RYR2: variants seen among roughly 807,000 people sequenced by gnomAD.
The protein encoded by RYR2 is cardiac muscle ryanodine receptor-calcium release channel.
A neutral mutation model predicts 601.1 loss-of-function variants in RYR2; 227 were observed. That is an observed-to-expected ratio of 0.38 (90% confidence interval 0.34 to 0.42). The LOEUF (loss-of-function observed/expected upper bound fraction) is 0.42. RYR2 is among the 10% of genes least tolerant of loss of function. RYR2 has a pLI of 1.00. For missense variants in RYR2, 4,646 were observed against 6,156.5 expected (o/e 0.75, Z 8.21); for synonymous variants, 2,223 against 2,175.1 (o/e 1.02, Z -0.61).
rs182995024 is a variant in RYR2 at position 237,253,723 on chromosome 1, G to A, written c.49-16774G>A. 3.3e-5 allele frequency among the ~76,000 whole-genome samples: 5 copies of A among 152,264 alleles called. No homozygotes were observed. In the East Asian group the frequency reaches 9.7e-4, roughly 29 times the overall value. Reference sequence around the variant, plus strand: ...GTTTATTGCTCAGGTATAGTTTGCTGGTTCATCCGTTCATTTTCAGGCTGG... The same window carrying A: ...GTTTATTGCTCAGGTATAGTTTGCTAGTTCATCCGTTCATTTTCAGGCTGG... On this transcript the variant is annotated intron_variant, in intron 1 of 104. Coordinates refer to ENST00000366574, the MANE Select transcript of RYR2 (RefSeq NM_001035.3).
chr1:237,307,490 CAAT>C (rs1308970777), intron 2 of RYR2, among the ~76,000 whole-genome samples: 1 of 152,152 alleles, frequency 6.6e-6, no homozygotes, highest in Non-Finnish European at 1.5e-5. Flanking sequence ...AGAATTTTTA[CAAT>C]AATTCTGTAA....
At chr1:237,592,543 G>T (rs1675322904) in intron 32 of RYR2, among the ~76,000 whole-genome samples, 1 of 151,674 alleles carries the variant, frequency 6.6e-6, no homozygotes, top group Admixed American at 6.6e-5. Context: ...TGAGGCAGGA[G>T]AATTGCTTGA....
chr1:237,122,681 A>AAAACAAACAAACAAACAAAC (rs147076319), intron 1 of RYR2, among the ~76,000 whole-genome samples: 1 of 150,600 alleles, frequency 6.6e-6, no homozygotes, highest in East Asian at 2.0e-4. Context: ...GACCGTCTCA[A>AAAACAAACAAACAAACAAAC]AAACAAACAA....
intron 3 of RYR2, among the ~76,000 whole-genome samples, chr1:237,353,253 T>C: frequency 6.6e-6 from 1 of 152,072 alleles, no homozygotes; most frequent in East Asian, 1.9e-4. Context: ...GCCCTAAATT[T>C]GTAATTAAAA....
intron 84 of RYR2, among the ~76,000 whole-genome samples, chr1:237,761,289 T>C (rs879898252): frequency 1.3e-5 from 2 of 152,180 alleles, no homozygotes; most frequent in Admixed American, 1.3e-4. Context: ...GAATAATGGT[T>C]GAATGAAGGA....
At chr1:237,338,273 G>C (rs1460300632) in intron 3 of RYR2, among the ~76,000 whole-genome samples, 1 of 152,102 alleles carries the variant, frequency 6.6e-6, no homozygotes, top group South Asian at 2.1e-4. Flanking sequence ...CTTGCAAACC[G>C]ATCAATAGGA....
intron 1 of RYR2, among the ~76,000 whole-genome samples, chr1:237,185,462 CT>C (rs1679243428): frequency 6.6e-6 from 1 of 152,148 alleles, no homozygotes; most frequent in African/African-American, 2.4e-5. Context: ...CCTGCACGTG[CT>C]ACTTTGCCTC....
chr1:237,809,110 T>C, intron 100 of RYR2, 75 bp downstream of exon 100: 1 of 1,311,366 alleles, frequency 7.6e-7, no homozygotes, highest in South Asian at 1.2e-5. Context: ...TGTGTATTTA[T>C]TCTCTAACAG....
chr1:237,709,016 C>T lies in RYR2; in HGVS notation c.10060C>T (p.Leu3354Phe). 1 of 1,612,806 alleles carries T rather than the reference C, an allele frequency of 6.2e-7. No individual in the cohort carries two copies. Among genetic ancestry groups the T allele is most frequent in the Middle Eastern group, 1.7e-4 (1 of 6,056 alleles). ...ARGDMSEAEL[L>F]ILDEFTTLAR... ...GGGGGACATGTCGGAGGCAGAACTC[C>T]TCATCCTAGATGAGTTCACCACACT... Residue 3354 changes from leucine (L) to phenylalanine (F), a missense_variant, in exon 69 of 105, where the codon CTC becomes TTC. Around this residue, in one of 17 missense-constraint regions of RYR2, gnomAD observed 1,497 missense variants for 1,842.6 expected, o/e 0.81. Coordinates refer to ENST00000366574, the MANE Select transcript of RYR2 (RefSeq NM_001035.3).
At chr1:237,728,988 AT>A (rs36095900) in intron 76 of RYR2, among the ~76,000 whole-genome samples, 72,079 of 151,852 alleles carry the variant, frequency 0.47, 18,774 homozygotes, top group Non-Finnish European at 0.59. Flanking sequence ...AATTCACATT[AT>A]CATTTCTTTT....
At chr1:237,314,063 C>CTTTTTTT (rs397983391) in intron 2 of RYR2, among the ~76,000 whole-genome samples, 5 of 82,348 alleles carry the variant, frequency 6.1e-5, no homozygotes, top group Non-Finnish European at 8.4e-5. Context: ...ACATGAATTT[C>CTTTTTTT]TTTTTTTTTT....
intron 25 of RYR2, among the ~76,000 whole-genome samples, chr1:237,538,924 G>GA (rs1668962111): frequency 6.6e-6 from 1 of 152,140 alleles, no homozygotes; most frequent in Non-Finnish European, 1.5e-5. Flanking sequence ...CCTTGTCCTG[G>GA]TGTCTTGAAT....
At chr1:237,384,392 G>C (rs1054295026) in intron 8 of RYR2, among the ~76,000 whole-genome samples, 1 of 152,184 alleles carries the variant, frequency 6.6e-6, no homozygotes, top group Non-Finnish European at 1.5e-5. Context: ...CCACCTCTTA[G>C]CATGTGCTGT....
At chr1:237,413,403 A>G (rs1420365179) in intron 10 of RYR2, among the ~76,000 whole-genome samples, 2 of 152,200 alleles carry the variant, frequency 1.3e-5, no homozygotes, top group South Asian at 4.1e-4. Flanking sequence ...TTAGATTTTT[A>G]TAAAAGATCA....
chr1:237,354,759 T>A (rs1330326552), intron 3 of RYR2, among the ~76,000 whole-genome samples: 2 of 152,122 alleles, frequency 1.3e-5, no homozygotes, highest in East Asian at 3.8e-4. Context: ...GGCCTTTCTG[T>A]TCAGTCAAGT....
intron 2 of RYR2, among the ~76,000 whole-genome samples, chr1:237,277,031 T>A (rs1420549653): frequency 6.6e-6 from 1 of 152,182 alleles, no homozygotes; most frequent in Admixed American, 6.5e-5. Flanking sequence ...TGAGATAAAA[T>A]ATTTTAAATA....
intron 20 of RYR2, among the ~76,000 whole-genome samples, chr1:237,497,241 G>A (rs1214031312): frequency 6.6e-6 from 1 of 152,196 alleles, no homozygotes. Flanking sequence ...TTTGTAAAGT[G>A]TGGTATGAGG....
At chr1:237,554,466 T>A (rs1670694616) in intron 27 of RYR2, among the ~76,000 whole-genome samples, 1 of 151,930 alleles carries the variant, frequency 6.6e-6, no homozygotes, top group Non-Finnish European at 1.5e-5. Context: ...TCTTATAATG[T>A]CTTTGTTAGA....
rs368952500 is a variant in RYR2 at position 237,660,004 on chromosome 1, A to G, written c.8228A>G (p.Tyr2743Cys). The G allele has an allele frequency of 1.6e-5, 25 of 1,588,014 alleles. No homozygotes were observed. The highest frequency in any genetic ancestry group is 2.1e-5 in the Non-Finnish European group (25 of 1,170,996). Residue 2743 changes from tyrosine (Y) to cysteine (C), a missense_variant, in exon 55 of 105, where the codon TAT (tyrosine) becomes TGT (cysteine). Tyr to Cys is a radical substitution (Grantham distance 194, BLOSUM62 -2). Coordinates refer to ENST00000366574, the MANE Select transcript of RYR2 (RefSeq NM_001035.3). The part of the protein sequence containing the change: ...SMDKLANGWI[Y>C]GEIYSDSSKV... Reference sequence around the variant, plus strand: ...TTTAAGTTGGCAAATGGATGGATTTATGGAGAAATATATTCAGACTCTTCT... The same window carrying G: ...TTTAAGTTGGCAAATGGATGGATTTGTGGAGAAATATATTCAGACTCTTCT...
Sources: gnomAD v4.1 joint callset for allele counts (sites outside exome capture counted in the v4.1 genomes callset) on GRCh38, gnomAD v4.1.1 for gene constraint, gnomAD v4.1.1 regional missense constraint, MANE v1.5 for transcripts, NCBI Gene and HGNC (gene_info 2026-07-23, HGNC 2026-07-21) for gene names.